BABAM2: variants seen among roughly 807,000 people sequenced by gnomAD.
The protein encoded by BABAM2 is BRISC and BRCA1-A complex member 2.
Under a neutral mutation model 54.7 loss-of-function variants are expected in BABAM2, and 31 were observed. The observed-to-expected ratio is 0.57, with a 90% CI of 0.43 to 0.77. BABAM2 has a LOEUF of 0.77. Among genes scored for constraint, BABAM2 ranks in the 30% least tolerant of loss-of-function variants. The probability of loss-of-function intolerance (pLI) is 0.00; values close to 1 mark genes in which losing one functional copy is unlikely to be tolerated. For synonymous variants in BABAM2, 167 were observed against 162.9 expected (o/e 1.03, Z -0.19); for missense variants, 364 against 455.8 (o/e 0.80, Z 1.83).
At chr2:28,043,960 A>G (rs867429251) in intron 5 of BABAM2, among the ~76,000 whole-genome samples, 10 of 152,250 alleles carry the variant, frequency 6.6e-5, no homozygotes, top group East Asian at 1.9e-4. Flanking sequence ...TCCTGGTGGC[A>G]CAGTGGCTTC....
chr2:28,112,868 T>C (rs1421017109), intron 6 of BABAM2, among the ~76,000 whole-genome samples: 1 of 152,200 alleles, frequency 6.6e-6, no homozygotes. Context: ...CAGCATCTGT[T>C]GTTTCCTGAC....
chr2:28,047,300 G>A (rs1404658454), intron 6 of BABAM2, among the ~76,000 whole-genome samples: 2 of 152,138 alleles, frequency 1.3e-5, no homozygotes, highest in East Asian at 3.9e-4. Flanking sequence ...AGACTAGTAA[G>A]CAGTCTTCTA....
At chr2:28,267,814 T>A (rs979315535) in intron 10 of BABAM2, among the ~76,000 whole-genome samples, 24 of 152,348 alleles carry the variant, frequency 1.6e-4, no homozygotes, top group Admixed American at 1.4e-3. Context: ...GCTGGGAAAT[T>A]TGTTTGGGTA....
intron 11 of BABAM2, among the ~76,000 whole-genome samples, chr2:28,321,370 T>A (rs1690007281): frequency 6.6e-6 from 1 of 152,216 alleles, no homozygotes; most frequent in African/African-American, 2.4e-5. Flanking sequence ...GATTGCCACG[T>A]GTTCCTCTTG....
Position 28,063,881 on chromosome 2 carries a change from G to A in BABAM2, c.570+18082G>A, listed in dbSNP as rs555164210. 2.2e-4 allele frequency among the ~76,000 whole-genome samples: 33 copies of A among 152,154 alleles called. No individual in the cohort carries two copies. The South Asian group carries it at 5.2e-3, about 24-fold the overall frequency. Reference sequence around the variant, plus strand: ...GGCATTATTATCTTCATTTTTTTAAGATGAGGAAACCTAAGCTCAGAGAAG... The same window carrying A: ...GGCATTATTATCTTCATTTTTTTAAAATGAGGAAACCTAAGCTCAGAGAAG... On this transcript the variant is annotated intron_variant, in intron 6 of 11. Coordinates refer to ENST00000379624, the MANE Select transcript of BABAM2 (RefSeq NM_199191.3).
chr2:28,112,189 C>CCTTCCTTCCTT (rs1553319626), intron 6 of BABAM2, among the ~76,000 whole-genome samples: 3 of 30,768 alleles, frequency 9.8e-5, no homozygotes, highest in African/African-American at 2.0e-4. Flanking sequence ...CTCCCTCCCT[C>CCTTCCTTCCTT]CCTCCCTCCC....
intron 4 of BABAM2, among the ~76,000 whole-genome samples, chr2:28,006,667 A>C (rs553933483): frequency 9.3e-4 from 141 of 152,172 alleles, no homozygotes; most frequent in African/African-American, 3.3e-3. Flanking sequence ...TTGTTCATCA[A>C]GTAAGGTGAA....
At chr2:28,219,994 A>G (rs563996158) in intron 7 of BABAM2, among the ~76,000 whole-genome samples, 4 of 152,166 alleles carry the variant, frequency 2.6e-5, no homozygotes, top group Admixed American at 6.5e-5. Flanking sequence ...TTTGTCCCTC[A>G]CTTGTCTCAG....
intron 3 of BABAM2, among the ~76,000 whole-genome samples, chr2:27,941,044 T>C (rs1046367173): frequency 6.6e-6 from 1 of 152,128 alleles, no homozygotes; most frequent in Non-Finnish European, 1.5e-5. Context: ...TTTAAATTCC[T>C]GGGAGAGAGG....
At chr2:28,229,322 C>T (rs1203331537) in intron 7 of BABAM2, among the ~76,000 whole-genome samples, 2 of 152,172 alleles carry the variant, frequency 1.3e-5, no homozygotes, top group East Asian at 3.9e-4. Flanking sequence ...TCTGAAGTTC[C>T]CGTGCTCTCA....
At position 27,984,600 on chromosome 2, in the gene BABAM2, G is replaced by A. The variant is rs556897167; in HGVS notation, c.206-3393G>A. On this transcript the variant is annotated intron_variant, in intron 3 of 11. Transcript: ENST00000379624. Reference sequence around the variant, plus strand: ...TTTCTTCCCTACAGAAGCTCCAGGAGTGACTTTGCTATGACTTCTTCTTCT... The same window carrying A: ...TTTCTTCCCTACAGAAGCTCCAGGAATGACTTTGCTATGACTTCTTCTTCT... Among the ~76,000 whole-genome samples, 4 of 152,162 alleles carry A rather than the reference G, an allele frequency of 2.6e-5. No individual in the cohort carries two copies. In the East Asian group the frequency reaches 7.7e-4, roughly 29 times the overall value.
At chr2:28,105,727 A>G (rs1667465876) in intron 6 of BABAM2, among the ~76,000 whole-genome samples, 1 of 152,224 alleles carries the variant, frequency 6.6e-6, no homozygotes, top group African/African-American at 2.4e-5. Context: ...CTTAGGTTTG[A>G]CTACTTTGGG....
chr2:28,218,305 C>G (rs116721270), intron 7 of BABAM2, among the ~76,000 whole-genome samples: 456 of 152,304 alleles, frequency 3.0e-3, no homozygotes, highest in African/African-American at 0.01. Context: ...ATCCACAGTC[C>G]ATATTCTAAT....
At chr2:28,221,412 T>A (rs1680400754) in intron 7 of BABAM2, among the ~76,000 whole-genome samples, 1 of 152,214 alleles carries the variant, frequency 6.6e-6, no homozygotes, top group Non-Finnish European at 1.5e-5. Flanking sequence ...TTTGCAGTGT[T>A]GCCCTATTAA....
At chr2:28,274,487 G>A (rs1050462424) in intron 10 of BABAM2, among the ~76,000 whole-genome samples, 1 of 152,134 alleles carries the variant, frequency 6.6e-6, no homozygotes, top group African/African-American at 2.4e-5. Flanking sequence ...GAATGCAGTG[G>A]TGCGATCTTG....
At chr2:28,171,646 G>A (rs1276684707) in intron 7 of BABAM2, among the ~76,000 whole-genome samples, 1 of 152,164 alleles carries the variant, frequency 6.6e-6, no homozygotes, top group Non-Finnish European at 1.5e-5. Flanking sequence ...TGTTTTCCAT[G>A]TTTAGTGCTT....
At chr2:28,301,747 C>T (rs1330166507) in intron 11 of BABAM2, among the ~76,000 whole-genome samples, 6 of 152,194 alleles carry the variant, frequency 3.9e-5, no homozygotes, top group Non-Finnish European at 1.5e-5. Flanking sequence ...TGACTCTAAT[C>T]ACATACTGCT....
chr2:27,929,315 G>A (rs1299866714), intron 2 of BABAM2, among the ~76,000 whole-genome samples: 7 of 152,162 alleles, frequency 4.6e-5, no homozygotes, highest in Admixed American at 3.9e-4. Context: ...TATGCATTGT[G>A]CTTTCCTGCA....
intron 6 of BABAM2, among the ~76,000 whole-genome samples, chr2:28,089,833 A>T (rs1284341920): frequency 1.3e-5 from 2 of 152,140 alleles, no homozygotes; most frequent in Non-Finnish European, 2.9e-5. Context: ...ATTACCTTCA[A>T]TGCGATTAAT....
Sources: allele counts gnomAD v4.1 joint callset (sites outside exome capture counted in the v4.1 genomes callset), GRCh38; gene constraint gnomAD v4.1.1; transcripts MANE v1.5; gene names NCBI Gene and HGNC (gene_info 2026-07-23, HGNC 2026-07-21).